CHLSN: variants seen among roughly 807,000 people sequenced by gnomAD.
CHLSN encodes the protein cholesin.
At chr7:1,034,499 G>GC in the CHLSN span, among the ~76,000 whole-genome samples, 1 of 152,188 alleles carries the variant, frequency 6.6e-6, no homozygotes, top group Non-Finnish European at 1.5e-5. Context: ...AGAAGGAACT[G>GC]CATGCCTGAT....
At chr7:1,084,438 T>C in the CHLSN span, among the ~76,000 whole-genome samples, 1 of 152,352 alleles carries the variant, frequency 6.6e-6, no homozygotes, top group Non-Finnish European at 1.5e-5. Context: ...GAATTCCTTC[T>C]GCACACAGCT....
the CHLSN span, among the ~76,000 whole-genome samples, chr7:1,102,739 C>T: frequency 4.6e-5 from 7 of 152,222 alleles, no homozygotes; most frequent in Non-Finnish European, 4.4e-5. Flanking sequence ...CCCGCAGGCA[C>T]GGTGCCCGCC....
At chr7:1,099,434 G>A in the CHLSN span, among the ~76,000 whole-genome samples, 1 of 152,244 alleles carries the variant, frequency 6.6e-6, no homozygotes, top group Non-Finnish European at 1.5e-5. Flanking sequence ...AGAGCGGAAG[G>A]GTTTCCGCCA....
At chr7:1,136,309 TATATATAAAC>T in the CHLSN span, among the ~76,000 whole-genome samples, 2 of 115,112 alleles carry the variant, frequency 1.7e-5, no homozygotes, top group Middle Eastern at 0.012. Flanking sequence ...CATATATAAA[TATATATAAAC>T]ATAAATATAT....
chr7:1,064,850 C>G, the CHLSN span, among the ~76,000 whole-genome samples: 6 of 152,210 alleles, frequency 3.9e-5, no homozygotes, highest in Admixed American at 1.3e-4. Flanking sequence ...CCAGCCCACC[C>G]CACACTCAGG....
At chr7:1,017,035 C>G in the CHLSN span, among the ~76,000 whole-genome samples, 1 of 152,220 alleles carries the variant, frequency 6.6e-6, no homozygotes, top group African/African-American at 2.4e-5. Context: ...CCCACCCACG[C>G]ACCCTGGTCC....
chr7:1,054,191 G>A, the CHLSN span, among the ~76,000 whole-genome samples: 1 of 152,214 alleles, frequency 6.6e-6, no homozygotes, highest in African/African-American at 2.4e-5. Flanking sequence ...TAAAAGGAGG[G>A]CTCCAGGGAG....
At chr7:1,111,289 C>A in the CHLSN span, among the ~76,000 whole-genome samples, 1 of 152,222 alleles carries the variant, frequency 6.6e-6, no homozygotes, top group Non-Finnish European at 1.5e-5. Flanking sequence ...TCCTGTCACA[C>A]TGGATCACAA....
chr7:982,536 C>T, the CHLSN span, among the ~76,000 whole-genome samples: 2 of 152,250 alleles, frequency 1.3e-5, no homozygotes, highest in African/African-American at 2.4e-5. Context: ...TGTTCCTGTC[C>T]TAGCTCAGAG....
At chr7:1,090,003 T>TA in the CHLSN span, among the ~76,000 whole-genome samples, 1 of 151,444 alleles carries the variant, frequency 6.6e-6, no homozygotes, top group Non-Finnish European at 1.5e-5. Flanking sequence ...AGAACCACTC[T>TA]AACCCGGGAG....
At chr7:1,074,667 GGCGTCT>G in the CHLSN span, 1 of 152,266 alleles carries the variant, frequency 6.6e-6, no homozygotes, top group South Asian at 2.1e-4. Flanking sequence ...AAATCCCTAA[GGCGTCT>G]GTGTCCGATG....
chr7:1,022,577 G>A, the CHLSN span, among the ~76,000 whole-genome samples: 5 of 152,124 alleles, frequency 3.3e-5, no homozygotes, highest in Admixed American at 1.3e-4. Context: ...CTCCTCCCAC[G>A]GCAACCCTCG....
chr7:1,080,076 A>G, the CHLSN span, among the ~76,000 whole-genome samples: 9 of 152,202 alleles, frequency 5.9e-5, no homozygotes, highest in Admixed American at 5.2e-4. Flanking sequence ...AGGGCTCAGT[A>G]GGACCCTTTG....
At chr7:979,770 G>A in the CHLSN span, among the ~76,000 whole-genome samples, 1 of 151,960 alleles carries the variant, frequency 6.6e-6, no homozygotes, top group Non-Finnish European at 1.5e-5. Flanking sequence ...AGCAAGAGCC[G>A]TGGGCACCTG....
the CHLSN span, among the ~76,000 whole-genome samples, chr7:1,027,492 A>T: frequency 6.6e-6 from 1 of 152,176 alleles, no homozygotes; most frequent in African/African-American, 2.4e-5. Flanking sequence ...AAGATAAAAG[A>T]CCTACTCCAA....
At chr7:1,051,996 CAGAA>C in the CHLSN span, among the ~76,000 whole-genome samples, 18 of 152,204 alleles carry the variant, frequency 1.2e-4, no homozygotes, top group Non-Finnish European at 2.2e-4. Flanking sequence ...AAAATAAAAA[CAGAA>C]GGAGGAACAG....
At chr7:1,109,233 T>C in the CHLSN span, 2 of 152,266 alleles carry the variant, frequency 1.3e-5, no homozygotes, top group African/African-American at 4.8e-5. Context: ...ATTTCCCATG[T>C]TGACCAATCC....
chr7:1,007,651 G>A, the CHLSN span, among the ~76,000 whole-genome samples: 13 of 152,172 alleles, frequency 8.5e-5, no homozygotes, highest in African/African-American at 1.4e-4. Flanking sequence ...GGCCTTGGAA[G>A]AAGCTCCTGT....
the CHLSN span, among the ~76,000 whole-genome samples, chr7:1,086,648 A>C: frequency 6.6e-6 from 1 of 151,036 alleles, no homozygotes; most frequent in Non-Finnish European, 1.5e-5. Context: ...CCACTCTTGC[A>C]CCTGCACCAG....
Sources: allele counts gnomAD v4.1 joint callset (sites outside exome capture counted in the v4.1 genomes callset), GRCh38; gene constraint gnomAD v4.1.1; transcripts MANE v1.5; gene names NCBI Gene and HGNC (gene_info 2026-07-23, HGNC 2026-07-21).